Variants in RBFOX1 observed in about 807,000 individuals in gnomAD.
RBFOX1 encodes the protein RNA binding fox-1 homolog 1, also known as RNA binding protein fox-1 homolog 1.
A neutral mutation model predicts 57.7 loss-of-function variants in RBFOX1; 8 were observed. The ratio of observed to expected loss-of-function variants is 0.14; its 90% CI spans 0.08 to 0.25. The LOEUF is 0.25. Ranked by LOEUF, RBFOX1 falls within the 10% of genes least tolerant of loss-of-function variation. The probability of loss-of-function intolerance (pLI) is 1.00; values close to 1 mark genes in which losing one functional copy is unlikely to be tolerated. For missense variants in RBFOX1, 611 were observed against 548.5 expected (o/e 1.11, Z -1.14); for synonymous variants, 326 against 222.4 (o/e 1.47, Z -4.15).
intron 3 of RBFOX1, among the ~76,000 whole-genome samples, chr16:5,774,631 A>G (rs2054087402): frequency 6.6e-6 from 1 of 152,180 alleles, no homozygotes; most frequent in African/African-American, 2.4e-5. Flanking sequence ...CTACTGTGTA[A>G]CAGGGCTTTG....
At chr16:5,830,574 T>G (rs1325217732) in intron 3 of RBFOX1, among the ~76,000 whole-genome samples, 2 of 152,030 alleles carry the variant, frequency 1.3e-5, no homozygotes, top group Non-Finnish European at 2.9e-5. Flanking sequence ...TCCATTTGGG[T>G]GGGTGTCAGT....
chr16:5,525,629 C>G (rs898546160), intron 2 of RBFOX1, among the ~76,000 whole-genome samples: 1 of 150,866 alleles, frequency 6.6e-6, no homozygotes, highest in Non-Finnish European at 1.5e-5. Context: ...TACTGAGTAG[C>G]TGGGATTACA....
At chr16:5,696,797 A>C (rs1307487083) in intron 3 of RBFOX1, among the ~76,000 whole-genome samples, 2 of 152,154 alleles carry the variant, frequency 1.3e-5, no homozygotes, top group African/African-American at 4.8e-5. Flanking sequence ...TCTGTCTATA[A>C]TCTGCATCTT....
chr16:7,279,612 A>T (rs1603480260), intron 4 of RBFOX1, among the ~76,000 whole-genome samples: 1 of 152,172 alleles, frequency 6.6e-6, no homozygotes, highest in East Asian at 1.9e-4. Flanking sequence ...ATGTTCTGGG[A>T]ATAGAGAGGA....
chr16:7,637,292 A>T (rs1029640086), intron 11 of RBFOX1, among the ~76,000 whole-genome samples: 1 of 152,116 alleles, frequency 6.6e-6, no homozygotes, highest in Non-Finnish European at 1.5e-5. Context: ...AAAGAAGGAA[A>T]AAAAAGATAT....
chr16:7,166,972 CTTTTTTTTTTTTTTTTTTTTTTT>C (rs537293692), intron 4 of RBFOX1, among the ~76,000 whole-genome samples: 2 of 49,098 alleles, frequency 4.1e-5, no homozygotes, highest in Non-Finnish European at 6.8e-5. Flanking sequence ...CATTGGTGTT[CTTTTTTTTTTTTTTTTTTTTTTT>C]TTTTTTTTTT....
chr16:7,129,302 G>T (rs1284015352), intron 4 of RBFOX1, among the ~76,000 whole-genome samples: 1 of 152,058 alleles, frequency 6.6e-6, no homozygotes, highest in Non-Finnish European at 1.5e-5. Flanking sequence ...GTGTTTCATC[G>T]GTTTGGTTAG....
At chr16:6,747,546 C>T (rs2154188336) in intron 3 of RBFOX1, among the ~76,000 whole-genome samples, 1 of 152,234 alleles carries the variant, frequency 6.6e-6, no homozygotes, top group South Asian at 2.1e-4. Context: ...CCTGTTGGGG[C>T]AGTATTCACA....
intron 1 of RBFOX1, among the ~76,000 whole-genome samples, chr16:6,276,863 C>T (rs1457426431): frequency 6.6e-6 from 1 of 151,710 alleles, no homozygotes; most frequent in Non-Finnish European, 1.5e-5. Context: ...ATGAAATCTC[C>T]ATGAAGACAA....
intron 1 of RBFOX1, among the ~76,000 whole-genome samples, chr16:5,430,953 C>A (rs1386808703): frequency 2.0e-5 from 3 of 152,168 alleles, no homozygotes; most frequent in Admixed American, 6.5e-5. Flanking sequence ...CTCAGTAACA[C>A]CGCAGTGCAT....
intron 2 of RBFOX1, among the ~76,000 whole-genome samples, chr16:6,450,837 GTGTATATATATATA>G (rs2094598006): frequency 3.7e-4 from 8 of 21,740 alleles, no homozygotes; most frequent in Admixed American, 7.0e-4. Flanking sequence ...ATATATATAT[GTGTATATATATATA>G]TATATATATA....
chr16:6,251,891 C>G (rs767305364), intron 1 of RBFOX1, among the ~76,000 whole-genome samples: 5 of 152,104 alleles, frequency 3.3e-5, no homozygotes, highest in South Asian at 2.1e-4. Context: ...TGTGACCTTA[C>G]TTACAAGGCG....
chr16:6,979,666 A>T (rs1442870202), intron 3 of RBFOX1, among the ~76,000 whole-genome samples: 1 of 152,224 alleles, frequency 6.6e-6, no homozygotes, highest in Admixed American at 6.5e-5. Context: ...GTTATGTTTC[A>T]ATAGAATTCA....
At chr16:7,652,618 G>C (rs574989393) in intron 11 of RBFOX1, among the ~76,000 whole-genome samples, 2 of 152,120 alleles carry the variant, frequency 1.3e-5, no homozygotes, top group Non-Finnish European at 2.9e-5. Context: ...GTATTGGCCA[G>C]GCTGGTCTCG....
intron 2 of RBFOX1, among the ~76,000 whole-genome samples, chr16:6,574,794 T>C (rs1380888172): frequency 6.8e-6 from 1 of 147,086 alleles, no homozygotes; most frequent in Non-Finnish European, 1.5e-5. Context: ...ATCCCAGCAC[T>C]TAGGGAGGCC....
At chr16:6,085,158 A>C (rs1422479639) in intron 1 of RBFOX1, among the ~76,000 whole-genome samples, 1 of 152,144 alleles carries the variant, frequency 6.6e-6, no homozygotes, top group Non-Finnish European at 1.5e-5. Flanking sequence ...TTCTTCCTCC[A>C]CAACTTGCAG....
intron 1 of RBFOX1, among the ~76,000 whole-genome samples, chr16:5,264,335 T>C (rs1281865235): frequency 1.3e-5 from 2 of 152,184 alleles, no homozygotes; most frequent in African/African-American, 4.8e-5. Flanking sequence ...GGTGAGAACG[T>C]GGTCACCCTG....
intron 2 of RBFOX1, among the ~76,000 whole-genome samples, chr16:6,448,802 A>G (rs761302676): frequency 4.2e-4 from 64 of 152,154 alleles, no homozygotes; most frequent in Non-Finnish European, 8.8e-4. Context: ...TATCCTATTA[A>G]ACATTTTCCA....
chr16:7,428,923 A>G (rs1302635821), intron 4 of RBFOX1, among the ~76,000 whole-genome samples: 1 of 152,166 alleles, frequency 6.6e-6, no homozygotes, highest in Non-Finnish European at 1.5e-5. Context: ...CTGCACATGT[A>G]GGTCGTAAAG....
Sources: allele counts gnomAD v4.1 joint callset (sites outside exome capture counted in the v4.1 genomes callset), GRCh38; gene constraint gnomAD v4.1.1; transcripts MANE v1.5; gene names NCBI Gene and HGNC (gene_info 2026-07-23, HGNC 2026-07-21).